Variants in FBXO28 observed in about 807,000 individuals in gnomAD.
FBXO28 encodes the protein F-box protein 28.
FBXO28 carries 8 observed loss-of-function variants against 38.1 expected under a neutral mutation model. The ratio of observed to expected loss-of-function variants is 0.21; its 90% CI spans 0.12 to 0.38. The LOEUF (loss-of-function observed/expected upper bound fraction) is 0.38, where lower values mean the gene tolerates loss of function less well. Among genes scored for constraint, FBXO28 ranks in the 10% least tolerant of loss-of-function variants. The pLI, the probability that FBXO28 is intolerant of heterozygous loss-of-function variation, is 1.00. For missense variants in FBXO28, 345 were observed against 460.6 expected, an observed-to-expected ratio of 0.75 and a Z score of 2.30; for synonymous variants, 168 against 173.8, an observed-to-expected ratio of 0.97 and a Z score of 0.26.
Position 224,133,828 on chromosome 1 carries a change from AATAT to A in FBXO28, c.378-230_378-227del, listed in dbSNP as rs5781349. Among the ~76,000 whole-genome samples the A allele has an allele frequency of 1.2e-3, 183 of 148,580 alleles. 2 individuals carry two copies. Among genetic ancestry groups the A allele is most frequent in the Admixed American group, 8.0e-3 (118 of 14,816 alleles). On this transcript the variant is annotated intron_variant, in intron 2 of 4. Transcript: ENST00000366862. The stretch of plus-strand genomic sequence containing the variant: ...GCCCGGCCCCAAAAAACCTAATTAA[AATAT>A]ATATATATATATATAATTTGTTTTG...
intron 2 of FBXO28, among the ~76,000 whole-genome samples, chr1:224,132,318 C>T (rs554691691): frequency 6.6e-6 from 1 of 152,242 alleles, no homozygotes; most frequent in East Asian, 1.9e-4. Flanking sequence ...CCAACAAGCA[C>T]ATGAAAGGTG....
intron 3 of FBXO28, among the ~76,000 whole-genome samples, chr1:224,144,534 TGGATCACGAGGTC>T (rs1657451475): frequency 1.3e-5 from 2 of 152,036 alleles, no homozygotes; most frequent in African/African-American, 4.8e-5. Flanking sequence ...CGGAGGTGTG[TGGATCACGAGGTC>T]AAGAGATCGG....
intron 3 of FBXO28, among the ~76,000 whole-genome samples, chr1:224,141,364 G>A (rs756427495): frequency 3.0e-4 from 45 of 150,234 alleles, no homozygotes; most frequent in Middle Eastern, 3.3e-3. Flanking sequence ...CCAGCTACTT[G>A]GGAGGCTGAG....
chr1:224,135,619 A>T (rs925664971), intron 3 of FBXO28, among the ~76,000 whole-genome samples: 23 of 100,226 alleles, frequency 2.3e-4, no homozygotes, highest in African/African-American at 8.8e-4. Context: ...CTCAAAAAAA[A>T]AAAAAAAAAA....
intron 3 of FBXO28, among the ~76,000 whole-genome samples, chr1:224,145,899 G>A (rs1039533984): frequency 5.3e-5 from 8 of 151,990 alleles, no homozygotes; most frequent in African/African-American, 1.4e-4. Flanking sequence ...GAAACCCATC[G>A]CTACTAAAAA....
chr1:224,118,658 T>C (rs1047859326), intron 1 of FBXO28, among the ~76,000 whole-genome samples: 1 of 151,968 alleles, frequency 6.6e-6, no homozygotes, highest in Non-Finnish European at 1.5e-5. Flanking sequence ...ATTTTAGTTA[T>C]AGAGTGGGTT....
At chr1:224,132,516 TG>T (rs1178700024) in intron 2 of FBXO28, among the ~76,000 whole-genome samples, 1 of 152,126 alleles carries the variant, frequency 6.6e-6, no homozygotes, top group Non-Finnish European at 1.5e-5. Flanking sequence ...ACAGTTTGGC[TG>T]TTCTCAGGCC....
intron 4 of FBXO28, among the ~76,000 whole-genome samples, chr1:224,155,745 C>T (rs1347327283): frequency 6.6e-6 from 1 of 152,190 alleles, no homozygotes; most frequent in African/African-American, 2.4e-5. Flanking sequence ...CACATCTCAG[C>T]ATTAATGTAT....
intron 4 of FBXO28, among the ~76,000 whole-genome samples, chr1:224,156,764 C>A (rs1439840686): frequency 6.6e-6 from 1 of 152,090 alleles, no homozygotes; most frequent in Non-Finnish European, 1.5e-5. Context: ...CTTCGGGAGG[C>A]CGAGGCAGGC....
chr1:224,138,902 C>G (rs1441467969), intron 3 of FBXO28, among the ~76,000 whole-genome samples: 1 of 151,736 alleles, frequency 6.6e-6, no homozygotes, highest in African/African-American at 2.4e-5. Context: ...CTGCCTCAGC[C>G]TCCTGAGTAG....
chr1:224,144,713 T>G (rs971195229), intron 3 of FBXO28, among the ~76,000 whole-genome samples: 5 of 151,906 alleles, frequency 3.3e-5, no homozygotes, highest in Admixed American at 1.3e-4. Flanking sequence ...GCCGAGATCG[T>G]GCCACCACTG....
intron 1 of FBXO28, among the ~76,000 whole-genome samples, chr1:224,118,457 C>T (rs1488134886): frequency 1.3e-5 from 2 of 152,130 alleles, no homozygotes; most frequent in Non-Finnish European, 2.9e-5. Flanking sequence ...ATTAGTGGTT[C>T]AGAACATGAA....
Position 224,161,985 on chromosome 1 carries a change from G to C in FBXO28, c.*4239G>C, listed in dbSNP as rs1306143290. ...ATTGTTATAACCGAATCAATTATTG[G>C]AAAGTGAAAAACACCTCCCGGTCAC... On this transcript the variant is annotated 3_prime_UTR_variant, in exon 5 of 5. Transcript: ENST00000366862. The C allele has an allele frequency of 6.6e-6, 1 of 152,122 alleles. No individual in the cohort carries two copies. The highest frequency in any genetic ancestry group is 1.5e-5 in the Non-Finnish European group (1 of 68,008). 9.4% of individuals were successfully genotyped at this position (152,122 alleles called of 1,614,324 possible). A position where few individuals can be genotyped will look rare whatever the true frequency, so the allele number is the denominator to read the frequency against.
At chr1:224,130,671 T>C in intron 2 of FBXO28, 90 bp downstream of exon 2, 1 of 784,078 alleles carries the variant, frequency 1.3e-6, no homozygotes, top group Non-Finnish European at 2.1e-6. Flanking sequence ...TACATATTGC[T>C]TCCCAAGTTT....
chr1:224,134,235 G>T, intron 3 of FBXO28, 23 bp downstream of exon 3: 1 of 1,609,754 alleles, frequency 6.2e-7, no homozygotes. Flanking sequence ...TGCTTGCCTA[G>T]AACAGCTGGA....
chr1:224,136,025 C>T (rs1048961144), intron 3 of FBXO28, among the ~76,000 whole-genome samples: 2 of 151,130 alleles, frequency 1.3e-5, no homozygotes, highest in African/African-American at 4.9e-5. Flanking sequence ...CAAAGCAAGA[C>T]TCTATCTCAA....
chr1:224,142,500 G>A (rs912135704), intron 3 of FBXO28, among the ~76,000 whole-genome samples: 3 of 151,606 alleles, frequency 2.0e-5, no homozygotes, highest in Admixed American at 6.6e-5. Context: ...CTTAAATGTC[G>A]TTTCGTTATA....
In FBXO28 at chr1:224,157,989, G is replaced by C; in HGVS notation, c.*243G>C. On this transcript the variant is annotated 3_prime_UTR_variant, in exon 5 of 5. Coordinates refer to ENST00000366862, the MANE Select transcript of FBXO28 (RefSeq NM_015176.4). ...CAGACCTGTTCTATCATGTTTTGAG[G>C]AGTTAACTTTTTTCTGTGCAGATAA... is the stretch of plus-strand genomic sequence containing the variant. 3 of 1,259,886 alleles carry C rather than the reference G, an allele frequency of 2.4e-6. No individual in the cohort carries two copies. Among genetic ancestry groups the C allele is most frequent in the Non-Finnish European group, 3.0e-6 (3 of 1,004,058 alleles). 78.0% of individuals were successfully genotyped at this position (1,259,886 alleles called of 1,614,324 possible).
intron 4 of FBXO28, among the ~76,000 whole-genome samples, chr1:224,154,977 CAAAA>C (rs34053203): frequency 8.0e-6 from 1 of 124,260 alleles, no homozygotes; most frequent in East Asian, 2.5e-4. Context: ...GACTCCGTCT[CAAAA>C]AAAAAAAAAA....
Sources: allele counts gnomAD v4.1 joint callset (sites outside exome capture counted in the v4.1 genomes callset), GRCh38; gene constraint gnomAD v4.1.1; transcripts MANE v1.5; gene names NCBI Gene and HGNC (gene_info 2026-07-23, HGNC 2026-07-21).